The following CSMD1 variants were observed in gnomAD, a reference collection of about 807,000 sequenced individuals.
CSMD1 encodes the protein CUB and Sushi multiple domains 1.
A neutral mutation model predicts 417.5 loss-of-function variants in CSMD1; 213 were observed. The observed-to-expected ratio is 0.51, with a 90% CI of 0.46 to 0.57. CSMD1 has a LOEUF of 0.57. Among genes scored for constraint, CSMD1 ranks in the 20% least tolerant of loss-of-function variants. The probability of loss-of-function intolerance (pLI) is 0.00; values close to 1 mark genes in which losing one functional copy is unlikely to be tolerated. For missense variants in CSMD1, 6,923 were observed against 4,529.7 expected (o/e 1.53, Z -15.17); for synonymous variants, 2,862 against 1,736.8 (o/e 1.65, Z -16.11).
chr8:4,518,434 T>C (rs994604537), intron 2 of CSMD1, among the ~76,000 whole-genome samples: 30 of 152,040 alleles, frequency 2.0e-4, no homozygotes, highest in South Asian at 2.1e-4. Context: ...GAGGGAAACA[T>C]ATAAGACATA....
chr8:3,821,777 G>A (rs1475102396), intron 5 of CSMD1, among the ~76,000 whole-genome samples: 1 of 152,034 alleles, frequency 6.6e-6, no homozygotes, highest in Non-Finnish European at 1.5e-5. Context: ...GTGAGACTCT[G>A]TCTCAAAAAA....
intron 3 of CSMD1, among the ~76,000 whole-genome samples, chr8:4,138,719 T>A (rs536246174): frequency 6.6e-6 from 1 of 152,320 alleles, no homozygotes; most frequent in East Asian, 1.9e-4. Flanking sequence ...ATTTTTTAAG[T>A]GCCAATTTAA....
intron 37 of CSMD1, among the ~76,000 whole-genome samples, 157 bp downstream of exon 37, chr8:3,180,953 C>T (rs375200034): frequency 1.3e-5 from 2 of 152,080 alleles, no homozygotes; most frequent in Non-Finnish European, 2.9e-5. Context: ...TTATGTATTT[C>T]GTAGAGCCAG....
At chr8:3,725,473 C>A (rs1462152769) in intron 6 of CSMD1, among the ~76,000 whole-genome samples, 16 of 152,164 alleles carry the variant, frequency 1.1e-4, no homozygotes, top group Admixed American at 7.2e-4. Flanking sequence ...AGGAGAAATA[C>A]CGGTGCTGAT....
intron 3 of CSMD1, among the ~76,000 whole-genome samples, chr8:4,328,377 G>C (rs965674368): frequency 2.0e-5 from 3 of 151,064 alleles, no homozygotes; most frequent in African/African-American, 2.4e-5. Flanking sequence ...ATGGAGGCAT[G>C]ATTTCTTTTT....
At chr8:3,350,338 T>G (rs376535517) in intron 21 of CSMD1, among the ~76,000 whole-genome samples, 2 of 144,670 alleles carry the variant, frequency 1.4e-5, no homozygotes, top group East Asian at 4.6e-4. Flanking sequence ...ATGTGTGTGT[T>G]ATAATACCTA....
chr8:4,933,931 G>T (rs13249466), intron 1 of CSMD1, among the ~76,000 whole-genome samples: 1 of 151,836 alleles, frequency 6.6e-6, no homozygotes, highest in Non-Finnish European at 1.5e-5. Context: ...TTCATAATAG[G>T]CAGAATCACA....
At chr8:3,938,454 T>G (rs762464401) in intron 5 of CSMD1, among the ~76,000 whole-genome samples, 2 of 152,190 alleles carry the variant, frequency 1.3e-5, no homozygotes, top group Non-Finnish European at 2.9e-5. Flanking sequence ...GTGCAGTGGA[T>G]CTGTGGTGGG....
At chr8:3,088,509 T>G (rs1454229571) in intron 48 of CSMD1, among the ~76,000 whole-genome samples, 7 of 152,186 alleles carry the variant, frequency 4.6e-5, no homozygotes, top group Non-Finnish European at 2.9e-5. Flanking sequence ...TCTGAAGGTT[T>G]TCTATCATAG....
At chr8:4,212,606 T>C (rs896741088) in intron 3 of CSMD1, among the ~76,000 whole-genome samples, 1 of 152,110 alleles carries the variant, frequency 6.6e-6, no homozygotes, top group Admixed American at 6.6e-5. Flanking sequence ...GTGGTAGTTA[T>C]CTAAACAATG....
chr8:4,924,520 C>G (rs537521087), intron 1 of CSMD1, among the ~76,000 whole-genome samples: 1 of 151,846 alleles, frequency 6.6e-6, no homozygotes, highest in Non-Finnish European at 1.5e-5. Context: ...GTCAGGAGTT[C>G]GAGACCAGCC....
chr8:4,379,143 C>T (rs985774906), intron 3 of CSMD1, among the ~76,000 whole-genome samples: 4 of 152,194 alleles, frequency 2.6e-5, no homozygotes, highest in African/African-American at 7.2e-5. Context: ...TATATCAGCC[C>T]CTGTAATTTG....
intron 5 of CSMD1, among the ~76,000 whole-genome samples, chr8:3,833,143 C>T (rs1177944132): frequency 6.6e-6 from 1 of 152,084 alleles, no homozygotes; most frequent in Non-Finnish European, 1.5e-5. Flanking sequence ...GATCAACTTC[C>T]TCTCTTTAAA....
chr8:4,007,293 G>A (rs1335524237), intron 4 of CSMD1, among the ~76,000 whole-genome samples: 2 of 152,176 alleles, frequency 1.3e-5, no homozygotes, highest in African/African-American at 2.4e-5. Flanking sequence ...TATGTGAGCT[G>A]GAATGTTGGC....
intron 2 of CSMD1, among the ~76,000 whole-genome samples, chr8:4,549,241 T>C (rs1797760230): frequency 6.6e-6 from 1 of 152,140 alleles, no homozygotes; most frequent in Admixed American, 6.5e-5. Context: ...AACCCTACCA[T>C]ATTCCAGAAT....
chr8:3,640,667 CAAT>C (rs1380465851), intron 7 of CSMD1, among the ~76,000 whole-genome samples: 1 of 152,144 alleles, frequency 6.6e-6, no homozygotes, highest in African/African-American at 2.4e-5. Flanking sequence ...ATTGTCGCTA[CAAT>C]GTTTGATAAG....
chr8:3,912,397 G>T (rs1042673964), intron 5 of CSMD1, among the ~76,000 whole-genome samples: 1 of 152,162 alleles, frequency 6.6e-6, no homozygotes, highest in Non-Finnish European at 1.5e-5. Flanking sequence ...GCCAATTTGG[G>T]TGCAGGGACA....
At chr8:3,038,091 T>C (rs1483862628) in intron 50 of CSMD1, among the ~76,000 whole-genome samples, 1 of 151,678 alleles carries the variant, frequency 6.6e-6, no homozygotes, top group African/African-American at 2.4e-5. Flanking sequence ...ACTTAGATCC[T>C]GGAATATTTA....
chr8:3,438,968 A>G (rs1384946617), intron 12 of CSMD1, among the ~76,000 whole-genome samples: 2 of 150,974 alleles, frequency 1.3e-5, no homozygotes, highest in Non-Finnish European at 2.9e-5. Context: ...ATACAAAATT[A>G]GCCGGGCATG....
Sources: gnomAD v4.1 joint callset for allele counts (sites outside exome capture counted in the v4.1 genomes callset) on GRCh38, gnomAD v4.1.1 for gene constraint, MANE v1.5 for transcripts, NCBI Gene and HGNC (gene_info 2026-07-23, HGNC 2026-07-21) for gene names.